CCDC149: variants seen among roughly 807,000 people sequenced by gnomAD.
The protein encoded by CCDC149 is coiled-coil domain containing 149.
CCDC149 carries 45 observed loss-of-function variants against 59.9 expected under a neutral mutation model. The ratio of observed to expected loss-of-function variants is 0.75; its 90% confidence interval spans 0.59 to 0.96. CCDC149 has a LOEUF of 0.96. Ranked by LOEUF, CCDC149 falls within the 40% of genes least tolerant of loss-of-function variation. CCDC149 has a pLI of 0.00. For synonymous variants in CCDC149, 245 were observed against 260.6 expected, an observed-to-expected ratio of 0.94 and a Z score of 0.58; for missense variants, 584 against 664.7, an observed-to-expected ratio of 0.88 and a Z score of 1.33.
intron 1 of CCDC149, among the ~76,000 whole-genome samples, chr4:24,897,987 TGAGA>T (rs538544405): frequency 4.1e-4 from 63 of 152,166 alleles, no homozygotes; most frequent in Non-Finnish European, 7.2e-4. Flanking sequence ...AACTGGCTAG[TGAGA>T]GAGAGTCCCA....
At chr4:24,925,493 T>G (rs1722413452) in intron 1 of CCDC149, among the ~76,000 whole-genome samples, 1 of 152,200 alleles carries the variant, frequency 6.6e-6, no homozygotes, top group Non-Finnish European at 1.5e-5. Context: ...TTAAAAAAAC[T>G]TTGCGGTGTT....
intron 1 of CCDC149, among the ~76,000 whole-genome samples, chr4:24,922,122 C>G (rs1722312841): frequency 6.6e-6 from 1 of 152,150 alleles, no homozygotes; most frequent in African/African-American, 2.4e-5. Context: ...GGACACCTGT[C>G]ATATTGCATA....
intron 9 of CCDC149, 51 bp downstream of exon 9, chr4:24,831,455 C>T (rs761415049): frequency 6.9e-6 from 11 of 1,597,272 alleles, no homozygotes; most frequent in Admixed American, 3.4e-5. Flanking sequence ...CTGGTAGCCT[C>T]GTCCCACTTC....
chr4:24,893,106 G>A (rs1720622999), intron 1 of CCDC149, among the ~76,000 whole-genome samples: 1 of 152,136 alleles, frequency 6.6e-6, no homozygotes, highest in Non-Finnish European at 1.5e-5. Context: ...CTGTCACGAT[G>A]GCAATTAAGT....
chr4:24,894,663 C>T lies in CCDC149; in HGVS notation c.64-17966G>A, dbSNP rs1290387805. Among the ~76,000 whole-genome samples the T allele has an allele frequency of 2.0e-5, 3 of 151,832 alleles. No individual in the cohort carries two copies. The East Asian group carries it at 5.9e-4, about 30-fold the overall frequency. On this transcript the variant is annotated intron_variant, in intron 1 of 12. Transcript: ENST00000635206. ...AAACAAGCACCTTAGTATTTGTTCT[C>T]CTGTAAACACCAGAGCAAAAGTATG...
At chr4:24,844,266 G>T (rs148101292) in intron 4 of CCDC149, among the ~76,000 whole-genome samples, 251 of 152,204 alleles carry the variant, frequency 1.6e-3, no homozygotes, top group African/African-American at 5.7e-3. Flanking sequence ...ACCGTGTCTG[G>T]CTAACCATAG....
At chr4:24,889,862 A>G (rs1720427993) in intron 1 of CCDC149, among the ~76,000 whole-genome samples, 1 of 152,108 alleles carries the variant, frequency 6.6e-6, no homozygotes. Context: ...CACCCCTATT[A>G]CTAATGAGGC....
At chr4:24,917,604 G>A (rs970121425), upstream of CCDC149, among the ~76,000 whole-genome samples, 2 of 152,074 alleles carry the variant, frequency 1.3e-5, no homozygotes, top group African/African-American at 4.8e-5. Context: ...CTGGGGTGCC[G>A]GAGGAGAGGC....
intron 10 of CCDC149, among the ~76,000 whole-genome samples, chr4:24,821,802 G>T (rs554348341): frequency 1.3e-5 from 2 of 152,260 alleles, no homozygotes; most frequent in African/African-American, 4.8e-5. Context: ...ATCACAAAAG[G>T]AGTATTTTAC....
chr4:24,951,062 G>A (rs1469595367), intron 1 of CCDC149, among the ~76,000 whole-genome samples: 2 of 152,302 alleles, frequency 1.3e-5, no homozygotes, highest in African/African-American at 4.8e-5. Context: ...GGGGAAGGGG[G>A]CCTCAGGCAG....
At chr4:24,851,214 C>T (rs1453745129) in intron 4 of CCDC149, among the ~76,000 whole-genome samples, 1 of 152,190 alleles carries the variant, frequency 6.6e-6, no homozygotes, top group Non-Finnish European at 1.5e-5. Flanking sequence ...CACACATAAA[C>T]ATGCTCTCTC....
chr4:24,842,750 T>C (rs1717015873), intron 4 of CCDC149, among the ~76,000 whole-genome samples: 1 of 152,190 alleles, frequency 6.6e-6, no homozygotes, highest in Non-Finnish European at 1.5e-5. Flanking sequence ...CTGTCCTCCA[T>C]GAAGCCTGTC....
intron 1 of CCDC149, among the ~76,000 whole-genome samples, chr4:24,905,718 G>T (rs1037031077): frequency 1.3e-5 from 2 of 152,208 alleles, no homozygotes; most frequent in African/African-American, 4.8e-5. Flanking sequence ...TTACAGGCGT[G>T]AGCCATGGTG....
Position 24,841,203 on chromosome 4 carries a change from G to A in CCDC149, c.373-2931C>T, listed in dbSNP as rs117688976. On this transcript the variant is annotated intron_variant, in intron 4 of 12. Coordinates refer to ENST00000635206, the MANE Select transcript of CCDC149 (RefSeq NM_001330643.2). ...ATGAGGCCAACAGGAGGCTCAGGTC[G>A]TGTCTTCAAAAGCAGGGTATTTTTC... Among the ~76,000 whole-genome samples, 289 of 152,278 alleles carry A rather than the reference G, an allele frequency of 1.9e-3. 6 individuals are homozygous for A. In the East Asian group the frequency reaches 0.049, roughly 26 times the overall value.
intron 1 of CCDC149, among the ~76,000 whole-genome samples, chr4:24,951,134 C>A (rs1408684595): frequency 6.6e-6 from 1 of 152,212 alleles, no homozygotes; most frequent in African/African-American, 2.4e-5. Context: ...TCCGTGGGTG[C>A]CCAGGCTGTC....
At chr4:24,904,127 G>A (rs189676229) in intron 1 of CCDC149, among the ~76,000 whole-genome samples, 3 of 152,284 alleles carry the variant, frequency 2.0e-5, no homozygotes, top group East Asian at 1.9e-4. Flanking sequence ...AAAATTTCAT[G>A]TATACCTTGA....
intron 1 of CCDC149, among the ~76,000 whole-genome samples, chr4:24,883,950 T>C (rs1204912427): frequency 6.6e-6 from 1 of 152,168 alleles, no homozygotes; most frequent in Non-Finnish European, 1.5e-5. Context: ...TATTCTACAT[T>C]GGCACCAAAT....
intron 4 of CCDC149, among the ~76,000 whole-genome samples, chr4:24,848,557 G>A (rs1717459907): frequency 6.6e-6 from 1 of 150,910 alleles, no homozygotes; most frequent in Non-Finnish European, 1.5e-5. Context: ...GACAGAGTGA[G>A]ACTCCATCTC....
chr4:24,805,632 C>T (rs1339287533), downstream of CCDC149, among the ~76,000 whole-genome samples: 1 of 152,100 alleles, frequency 6.6e-6, no homozygotes, highest in Non-Finnish European at 1.5e-5. Context: ...ATGGTAATAC[C>T]ATCTCCCTTG....
Sources: allele counts gnomAD v4.1 joint callset (sites outside exome capture counted in the v4.1 genomes callset), GRCh38; gene constraint gnomAD v4.1.1; transcripts MANE v1.5; gene names NCBI Gene and HGNC (gene_info 2026-07-23, HGNC 2026-07-21).